The following GALNT17 variants were observed in gnomAD, a reference collection of about 807,000 sequenced individuals.
The protein encoded by GALNT17 is polypeptide N-acetylgalactosaminyltransferase 17.
GALNT17 carries 29 observed loss-of-function variants against 63.7 expected under a neutral mutation model. That is an observed-to-expected ratio of 0.46 (90% CI 0.34 to 0.62). The LOEUF is 0.62. GALNT17 is among the 20% of genes least tolerant of loss of function. The pLI is 0.01. For missense variants in GALNT17, 603 were observed against 799.6 expected (o/e 0.75, Z 2.97); for synonymous variants, 305 against 318.3 (o/e 0.96, Z 0.45).
At chr7:71,295,918 T>G (rs74743438) in intron 1 of GALNT17, among the ~76,000 whole-genome samples, 34 of 143,570 alleles carry the variant, frequency 2.4e-4, no homozygotes, top group Admixed American at 1.1e-3. Context: ...CTTTCTTGGG[T>G]TTTTTTTTTT....
chr7:71,701,976 A>G (rs982472097), intron 9 of GALNT17, among the ~76,000 whole-genome samples: 2 of 149,812 alleles, frequency 1.3e-5, no homozygotes, highest in Admixed American at 6.7e-5. Flanking sequence ...GAATAAAATC[A>G]TATCCTTTGC....
chr7:71,629,958 A>T (rs1790431500), intron 6 of GALNT17, among the ~76,000 whole-genome samples: 1 of 139,554 alleles, frequency 7.2e-6, no homozygotes, highest in Admixed American at 7.5e-5. Context: ...CAAACAGTTG[A>T]GCTGATAAAC....
At position 71,239,304 on chromosome 7, in the gene GALNT17, CA is replaced by C. The variant is rs1554343108; in HGVS notation, c.239-96237del. Among the ~76,000 whole-genome samples, 379 of 150,230 alleles carry C rather than the reference CA, an allele frequency of 2.5e-3. 3 individuals carry two copies. Among genetic ancestry groups the C allele is most frequent in the African/African-American group, 8.3e-3 (341 of 40,902 alleles). On this transcript the variant is annotated intron_variant, in intron 1 of 10. Transcript: ENST00000333538. ...GTGAGACCCTGTCTGTACCCCCCCCCAAAAAAAAATAAATAAAAATTAGCTG... is the reference window on the plus strand; with the variant it reads ...GTGAGACCCTGTCTGTACCCCCCCCCAAAAAAAATAAATAAAAATTAGCTG...
intron 1 of GALNT17, among the ~76,000 whole-genome samples, chr7:71,266,383 G>C (rs916295498): frequency 6.6e-6 from 1 of 152,128 alleles, no homozygotes; most frequent in Non-Finnish European, 1.5e-5. Flanking sequence ...GAATCCTCAT[G>C]AGATCTGGTT....
rs114422791 is a variant in GALNT17, at chr7:71,359,510, C to T, written c.422+23777C>T. ...ACCCAAACACCTTCCAGTAGACCCC[C>T]GACTCCAACTTTGGGAATCAGATTT... On this transcript the variant is annotated intron_variant, in intron 2 of 10. Transcript: ENST00000333538. Among the ~76,000 whole-genome samples the T allele has an allele frequency of 3.7e-3, 564 of 152,206 alleles. 3 individuals are homozygous for T. Among genetic ancestry groups the T allele is most frequent in the African/African-American group, 0.013 (530 of 41,524 alleles).
At chr7:71,350,780 A>G (rs541003218) in intron 2 of GALNT17, among the ~76,000 whole-genome samples, 1 of 152,282 alleles carries the variant, frequency 6.6e-6, no homozygotes, top group Admixed American at 6.5e-5. Flanking sequence ...GTAAATGGAA[A>G]CAAGAGTGTA....
intron 2 of GALNT17, among the ~76,000 whole-genome samples, 189 bp downstream of exon 2, chr7:71,335,922 G>T (rs1376122934): frequency 6.6e-6 from 1 of 151,522 alleles, no homozygotes; most frequent in African/African-American, 2.4e-5. Flanking sequence ...AAGTTCAGTT[G>T]TTATCAAAGT....
chr7:71,281,034 C>T (rs1790769492), intron 1 of GALNT17, among the ~76,000 whole-genome samples: 1 of 152,118 alleles, frequency 6.6e-6, no homozygotes, highest in Non-Finnish European at 1.5e-5. Context: ...ATAGTTTCAG[C>T]ACAGAAATGC....
chr7:71,459,233 A>G (rs550765336), intron 5 of GALNT17, among the ~76,000 whole-genome samples: 1 of 152,314 alleles, frequency 6.6e-6, no homozygotes, highest in East Asian at 1.9e-4. Flanking sequence ...AGATAACATA[A>G]CATTTATGGA....
At chr7:71,346,707 T>TA (rs907898528) in intron 2 of GALNT17, among the ~76,000 whole-genome samples, 6 of 124,796 alleles carry the variant, frequency 4.8e-5, no homozygotes, top group African/African-American at 1.9e-4. Context: ...TTCTGAGTCT[T>TA]ACAGCAAGTG....
intron 9 of GALNT17, among the ~76,000 whole-genome samples, chr7:71,684,144 C>CT (rs1355410292): frequency 6.6e-6 from 1 of 152,160 alleles, no homozygotes; most frequent in Non-Finnish European, 1.5e-5. Context: ...TGTTGCCCTC[C>CT]TGCACCCAGG....
intron 5 of GALNT17, among the ~76,000 whole-genome samples, chr7:71,472,517 T>C (rs1787649375): frequency 6.6e-6 from 1 of 151,894 alleles, no homozygotes; most frequent in Admixed American, 6.6e-5. Context: ...TGAAACCCCG[T>C]GTCTACTAAA....
chr7:71,243,494 A>G (rs1475443549), intron 1 of GALNT17, among the ~76,000 whole-genome samples: 1 of 152,158 alleles, frequency 6.6e-6, no homozygotes, highest in Non-Finnish European at 1.5e-5. Context: ...CCTTAATTCT[A>G]CTAAAGGTTT....
At chr7:71,586,859 C>G (rs1789726421) in intron 6 of GALNT17, among the ~76,000 whole-genome samples, 1 of 151,806 alleles carries the variant, frequency 6.6e-6, no homozygotes. Flanking sequence ...TGACTTTTTT[C>G]TAAAAACATT....
intron 1 of GALNT17, among the ~76,000 whole-genome samples, chr7:71,289,818 G>T (rs1790944510): frequency 6.6e-6 from 1 of 151,980 alleles, no homozygotes; most frequent in Admixed American, 6.6e-5. Context: ...GGCGGAGGTT[G>T]TGGTGAGCCA....
At chr7:71,140,707 A>G (rs969742058) in intron 1 of GALNT17, among the ~76,000 whole-genome samples, 6 of 152,218 alleles carry the variant, frequency 3.9e-5, no homozygotes, top group African/African-American at 1.4e-4. Context: ...CTACGATTAG[A>G]TGACCTGCGA....
intron 2 of GALNT17, among the ~76,000 whole-genome samples, chr7:71,367,889 A>T (rs1412568697): frequency 6.6e-6 from 1 of 152,230 alleles, no homozygotes; most frequent in Non-Finnish European, 1.5e-5. Context: ...TTTATTCAGA[A>T]TAAGGAAGAG....
intron 3 of GALNT17, among the ~76,000 whole-genome samples, chr7:71,394,112 C>T (rs974597808): frequency 2.6e-5 from 4 of 152,120 alleles, no homozygotes; most frequent in Admixed American, 6.6e-5. Context: ...ACACACGGTT[C>T]TGTAGACTGT....
chr7:71,344,108 G>A (rs1384734252), intron 2 of GALNT17, among the ~76,000 whole-genome samples: 1 of 84,612 alleles, frequency 1.2e-5, no homozygotes, highest in Non-Finnish European at 2.4e-5. Flanking sequence ...CACTTTTAGA[G>A]GGCCTTAGAA....
Sources: gnomAD v4.1 joint callset for allele counts (sites outside exome capture counted in the v4.1 genomes callset) on GRCh38, gnomAD v4.1.1 for gene constraint, MANE v1.5 for transcripts, NCBI Gene and HGNC (gene_info 2026-07-23, HGNC 2026-07-21) for gene names.